LRRTM4: variants seen among roughly 807,000 people sequenced by gnomAD.
LRRTM4 encodes the protein leucine-rich repeat transmembrane neuronal protein 4.
A neutral mutation model predicts 47.6 loss-of-function variants in LRRTM4; 25 were observed. That is an observed-to-expected ratio of 0.53 (90% confidence interval 0.38 to 0.73). LRRTM4 has a LOEUF of 0.73. Among genes scored for constraint, LRRTM4 ranks in the 30% least tolerant of loss-of-function variants. The pLI is 0.00. For missense variants in LRRTM4, 638 were observed against 713.4 expected (o/e 0.89, Z 1.20); for synonymous variants, 311 against 269.5 (o/e 1.15, Z -1.51).
chr2:76,790,462 A>C (rs1674913541), intron 3 of LRRTM4, among the ~76,000 whole-genome samples: 1 of 152,138 alleles, frequency 6.6e-6, no homozygotes, highest in African/African-American at 2.4e-5. Context: ...TAGCAGTATG[A>C]TCTTGGGCCA....
chr2:76,795,080 CAT>C (rs1323958641), intron 3 of LRRTM4, among the ~76,000 whole-genome samples: 5 of 151,812 alleles, frequency 3.3e-5, no homozygotes, highest in African/African-American at 1.2e-4. Flanking sequence ...ATACCTTTAA[CAT>C]AGACGGCAGA....
chr2:77,049,637 ATTAAT>A (rs1297503021), intron 3 of LRRTM4, among the ~76,000 whole-genome samples: 6 of 150,592 alleles, frequency 4.0e-5, no homozygotes, highest in African/African-American at 1.2e-4. Context: ...TTTAAATTAA[ATTAAT>A]TTTTTTGTTG....
At chr2:77,163,373 G>C (rs1028360128) in intron 3 of LRRTM4, among the ~76,000 whole-genome samples, 5 of 152,082 alleles carry the variant, frequency 3.3e-5, no homozygotes, top group African/African-American at 1.2e-4. Flanking sequence ...AAAGTGATGG[G>C]GATAATGGAA....
intron 3 of LRRTM4, among the ~76,000 whole-genome samples, chr2:76,939,756 C>T (rs1289861638): frequency 6.6e-6 from 1 of 151,850 alleles, no homozygotes; most frequent in Non-Finnish European, 1.5e-5. Flanking sequence ...AAGTGATATC[C>T]TTTTGGCAAT....
intron 3 of LRRTM4, among the ~76,000 whole-genome samples, chr2:77,456,361 T>A (rs1438633363): frequency 6.6e-6 from 1 of 152,206 alleles, no homozygotes; most frequent in African/African-American, 2.4e-5. Flanking sequence ...TTTCCTTTTA[T>A]CAAATATTCC....
intron 3 of LRRTM4, among the ~76,000 whole-genome samples, chr2:77,204,002 C>T (rs1238805509): frequency 6.6e-6 from 1 of 152,108 alleles, no homozygotes; most frequent in East Asian, 1.9e-4. Context: ...GTGTCTGTTG[C>T]CATTATCTGA....
chr2:77,155,346 A>G (rs1672532539), intron 3 of LRRTM4, among the ~76,000 whole-genome samples: 1 of 152,006 alleles, frequency 6.6e-6, no homozygotes, highest in Admixed American at 6.6e-5. Context: ...TAAAGAAAAA[A>G]ATAGAATTTT....
At chr2:77,004,612 C>T (rs1677565719) in intron 3 of LRRTM4, among the ~76,000 whole-genome samples, 1 of 152,146 alleles carries the variant, frequency 6.6e-6, no homozygotes, top group Non-Finnish European at 1.5e-5. Context: ...AGCCCCCACA[C>T]AGAGTCCCCA....
chr2:77,402,020 A>G (rs896908240), intron 3 of LRRTM4, among the ~76,000 whole-genome samples: 2 of 152,002 alleles, frequency 1.3e-5, no homozygotes, highest in Non-Finnish European at 2.9e-5. Context: ...TTGTACATAT[A>G]AATATATTGT....
intron 3 of LRRTM4, among the ~76,000 whole-genome samples, chr2:76,878,128 T>G (rs539431050): frequency 2.0e-5 from 3 of 152,356 alleles, no homozygotes; most frequent in Middle Eastern, 3.4e-3. Context: ...TCATTGTTAT[T>G]ATATCTGTTA....
At chr2:76,869,544 G>C (rs1672564544) in intron 3 of LRRTM4, among the ~76,000 whole-genome samples, 1 of 152,002 alleles carries the variant, frequency 6.6e-6, no homozygotes, top group South Asian at 2.1e-4. Context: ...GTGGGAAAGG[G>C]TAGATGATTG....
intron 3 of LRRTM4, among the ~76,000 whole-genome samples, chr2:77,499,664 G>A (rs758537791): frequency 1.3e-4 from 20 of 151,930 alleles, no homozygotes; most frequent in Non-Finnish European, 2.2e-4. Context: ...AAAAGCTTAC[G>A]ACTAAGCCTA....
intron 3 of LRRTM4, chr2:76,985,916 T>G (rs1379856053): frequency 1.3e-5 from 2 of 151,886 alleles, no homozygotes; most frequent in African/African-American, 4.8e-5. Flanking sequence ...ACTTAGAGAT[T>G]TCAAAGACCT....
At chr2:77,161,055 T>C (rs1336958218) in intron 3 of LRRTM4, among the ~76,000 whole-genome samples, 1 of 152,160 alleles carries the variant, frequency 6.6e-6, no homozygotes, top group Admixed American at 6.6e-5. Flanking sequence ...AGAAGTTAGA[T>C]GACCAACAGG....
At chr2:77,138,698 A>G (rs537905122) in intron 3 of LRRTM4, among the ~76,000 whole-genome samples, 3 of 152,292 alleles carry the variant, frequency 2.0e-5, no homozygotes, top group South Asian at 2.1e-4. Flanking sequence ...GTTTTTTGAA[A>G]AGATCAACAA....
At chr2:76,909,841 A>C (rs1673985601) in intron 3 of LRRTM4, among the ~76,000 whole-genome samples, 1 of 152,214 alleles carries the variant, frequency 6.6e-6, no homozygotes, top group African/African-American at 2.4e-5. Context: ...AAAAGGCAGG[A>C]AACAACAGGT....
chr2:76,979,513 C>G (rs896070038), intron 3 of LRRTM4, among the ~76,000 whole-genome samples: 1 of 108,524 alleles, frequency 9.2e-6, no homozygotes, highest in Non-Finnish European at 1.9e-5. Context: ...CAATGCATAT[C>G]TAATTCAGAC....
chr2:76,985,062 G>C (rs1180986484), intron 3 of LRRTM4, among the ~76,000 whole-genome samples: 1 of 151,720 alleles, frequency 6.6e-6, no homozygotes, highest in Non-Finnish European at 1.5e-5. Context: ...TGTATGAGTG[G>C]GTCTTTCAAA....
chr2:77,441,758 G>A (rs1233191626), intron 3 of LRRTM4, among the ~76,000 whole-genome samples: 1 of 152,134 alleles, frequency 6.6e-6, no homozygotes, highest in Non-Finnish European at 1.5e-5. Context: ...CCAAAGAGAA[G>A]TAAGACATAG....
Sources: allele counts gnomAD v4.1 joint callset (sites outside exome capture counted in the v4.1 genomes callset), GRCh38; gene constraint gnomAD v4.1.1; transcripts MANE v1.5; gene names NCBI Gene and HGNC (gene_info 2026-07-23, HGNC 2026-07-21).